The following MYO3B variants were observed in gnomAD, a reference collection of about 807,000 sequenced individuals.
MYO3B encodes the protein myosin IIIB.
A neutral mutation model predicts 174.6 loss-of-function variants in MYO3B; 156 were observed. That is an observed-to-expected ratio of 0.89 (90% CI 0.78 to 1.02). The LOEUF is 1.02. Ranked by LOEUF, MYO3B falls within the 50% of genes least tolerant of loss-of-function variation. MYO3B has a pLI of 0.00. For synonymous variants in MYO3B, 563 were observed against 569.1 expected, an observed-to-expected ratio of 0.99 and a Z score of 0.15; for missense variants, 1,632 against 1,639.4, an observed-to-expected ratio of 1.00 and a Z score of 0.08.
chr2:170,613,649 G>C (rs578166629), intron 32 of MYO3B, among the ~76,000 whole-genome samples: 1 of 152,274 alleles, frequency 6.6e-6, no homozygotes, highest in Non-Finnish European at 1.5e-5. Flanking sequence ...TGTTGCCAAA[G>C]GAGATTATCA....
At chr2:170,617,382 A>G (rs1291808646) in intron 32 of MYO3B, among the ~76,000 whole-genome samples, 1 of 152,228 alleles carries the variant, frequency 6.6e-6, no homozygotes, top group Non-Finnish European at 1.5e-5. Flanking sequence ...CAAGTATACA[A>G]GTAACAATTA....
At chr2:170,407,634 C>T in intron 21 of MYO3B, 81 bp from the exon 22 acceptor site, 2 of 1,522,128 alleles carry the variant, frequency 1.3e-6, no homozygotes, top group Non-Finnish European at 9.0e-7. Context: ...GGTTGATTAA[C>T]AACTGGTTAG....
chr2:170,421,556 G>T (rs912154757), intron 22 of MYO3B, among the ~76,000 whole-genome samples: 1 of 152,222 alleles, frequency 6.6e-6, no homozygotes, highest in Non-Finnish European at 1.5e-5. Context: ...TGGACCGCAT[G>T]TGAGGGTGAG....
intron 32 of MYO3B, among the ~76,000 whole-genome samples, chr2:170,627,659 G>GT (rs1227007131): frequency 6.6e-6 from 1 of 152,184 alleles, no homozygotes; most frequent in Non-Finnish European, 1.5e-5. Context: ...TTTCTGTTCT[G>GT]TTTTTTCCCC....
At chr2:170,582,683 A>G (rs1339141338) in intron 32 of MYO3B, among the ~76,000 whole-genome samples, 1 of 152,208 alleles carries the variant, frequency 6.6e-6, no homozygotes, top group Non-Finnish European at 1.5e-5. Context: ...TAAAAAAAGA[A>G]AGAAAAATCC....
At chr2:170,216,097 C>G (rs1328328183) in intron 5 of MYO3B, among the ~76,000 whole-genome samples, 1 of 151,688 alleles carries the variant, frequency 6.6e-6, no homozygotes, top group African/African-American at 2.4e-5. Flanking sequence ...TAAAGAGCTT[C>G]TTGGCTCTCT....
chr2:170,445,934 A>T (rs1042416408), intron 23 of MYO3B, among the ~76,000 whole-genome samples: 5 of 152,064 alleles, frequency 3.3e-5, no homozygotes, highest in Non-Finnish European at 7.4e-5. Context: ...CACCACATCC[A>T]CCCTGGGTTG....
At chr2:170,651,980 CA>C (rs10718459) in intron 33 of MYO3B, 127 bp from the exon 34 acceptor site, 1,023,587 of 1,040,772 alleles carry the variant, frequency 0.98, 503,448 homozygotes, top group East Asian at 1. Flanking sequence ...GCCCTTTGAT[CA>C]AAAAAAATTA....
At chr2:170,303,752 CTT>C (rs2093681392) in intron 7 of MYO3B, among the ~76,000 whole-genome samples, 2 of 152,102 alleles carry the variant, frequency 1.3e-5, no homozygotes, top group Non-Finnish European at 2.9e-5. Context: ...CCAGACATCT[CTT>C]TTCTGGAATA....
chr2:170,519,713 T>C, intron 30 of MYO3B, 173 bp downstream of exon 30: 1 of 551,494 alleles, frequency 1.8e-6, no homozygotes, highest in Non-Finnish European at 3.2e-6. Flanking sequence ...GGCTCATGCC[T>C]GTAATCCCAG....
chr2:170,202,138 A>G (rs2092668611), intron 3 of MYO3B, among the ~76,000 whole-genome samples: 1 of 152,222 alleles, frequency 6.6e-6, no homozygotes, highest in African/African-American at 2.4e-5. Flanking sequence ...GACTTGAAAG[A>G]TGAGAAAGAG....
At chr2:170,298,984 A>G (rs1296697524) in intron 7 of MYO3B, among the ~76,000 whole-genome samples, 1 of 152,170 alleles carries the variant, frequency 6.6e-6, no homozygotes, top group Non-Finnish European at 1.5e-5. Flanking sequence ...GGAATAGGCT[A>G]TATGATATAG....
chr2:170,181,712 A>T (rs1368984686), intron 1 of MYO3B, among the ~76,000 whole-genome samples: 1 of 152,042 alleles, frequency 6.6e-6, no homozygotes, highest in Non-Finnish European at 1.5e-5. Context: ...TTTTTCTTTT[A>T]TGTTCTGTTA....
chr2:170,181,261 T>C (rs1249657085), intron 1 of MYO3B, among the ~76,000 whole-genome samples: 3 of 152,170 alleles, frequency 2.0e-5, no homozygotes, highest in Non-Finnish European at 4.4e-5. Context: ...TGTAGAAATA[T>C]AATTGAATTT....
rs967199650 is a variant in MYO3B at position 170,373,387 on chromosome 2, G to A, written c.971+4010G>A. 1.6e-4 allele frequency among the ~76,000 whole-genome samples: 24 copies of A among 152,200 alleles called. 1 individual carries two copies. Among genetic ancestry groups the A allele is most frequent in the African/African-American group, 5.5e-4 (23 of 41,454 alleles). On this transcript the variant is annotated intron_variant, in intron 9 of 34. Transcript: ENST00000408978. ...AAAAGAGAGTTCTTCAATGGTCTAG[G>A]CAGTCCTGGGCCCTCCAGCTGTAGC...
At chr2:170,347,311 C>G (rs367705215) in intron 8 of MYO3B, among the ~76,000 whole-genome samples, 1 of 152,162 alleles carries the variant, frequency 6.6e-6, no homozygotes, top group African/African-American at 2.4e-5. Context: ...TCTTATAAAT[C>G]AAGTGATGGG....
At chr2:170,553,764 C>G (rs1691085732) in intron 32 of MYO3B, among the ~76,000 whole-genome samples, 1 of 152,192 alleles carries the variant, frequency 6.6e-6, no homozygotes, top group Admixed American at 6.5e-5. Flanking sequence ...CCACCCAAAT[C>G]TCATGTTGAA....
intron 22 of MYO3B, among the ~76,000 whole-genome samples, chr2:170,415,756 C>G (rs545400314): frequency 1.3e-5 from 2 of 152,276 alleles, no homozygotes; most frequent in African/African-American, 4.8e-5. Flanking sequence ...AGGTAAGATG[C>G]TCTCTACTTG....
chr2:170,198,468 G>A (rs2092625090), intron 1 of MYO3B, among the ~76,000 whole-genome samples: 1 of 152,140 alleles, frequency 6.6e-6, no homozygotes, highest in Admixed American at 6.5e-5. Context: ...TCCTTCAGGA[G>A]GAAGGAACAA....
Sources: allele counts gnomAD v4.1 joint callset (sites outside exome capture counted in the v4.1 genomes callset), GRCh38; gene constraint gnomAD v4.1.1; transcripts MANE v1.5; gene names NCBI Gene and HGNC (gene_info 2026-07-23, HGNC 2026-07-21).